FARS2: variants seen among roughly 807,000 people sequenced by gnomAD.
The protein encoded by FARS2 is phenylalanyl-tRNA synthetase 2, mitochondrial.
FARS2 carries 40 observed loss-of-function variants against 46.4 expected under a neutral mutation model. The observed-to-expected ratio is 0.86, with a 90% CI of 0.67 to 1.12. The LOEUF is 1.12. Among genes scored for constraint, FARS2 ranks in the 50% most tolerant of loss-of-function variants. FARS2 has a pLI of 0.00. For missense variants in FARS2, 513 were observed against 567.9 expected, an observed-to-expected ratio of 0.90 and a Z score of 0.98; for synonymous variants, 234 against 214.9, an observed-to-expected ratio of 1.09 and a Z score of -0.78.
In FARS2 at chr6:5,756,855, G is replaced by A. The variant is rs147241987; in HGVS notation, c.1218-14436G>A. Among the ~76,000 whole-genome samples the A allele has an allele frequency of 3.3e-3, 495 of 152,252 alleles. 5 individuals are homozygous for A. Among genetic ancestry groups the A allele is most frequent in the Middle Eastern group, 0.027 (8 of 294 alleles). On this transcript the variant is annotated intron_variant, in intron 6 of 6. Transcript: ENST00000274680. ...AGACAAAGAGGTAGACATACTCTTC[G>A]ATCACATGTTTCAGCCACCTGTCCA...
intron 1 of FARS2, among the ~76,000 whole-genome samples, chr6:5,285,582 G>A (rs1767050389): frequency 6.6e-6 from 1 of 152,224 alleles, no homozygotes; most frequent in Admixed American, 6.5e-5. Context: ...TTCCTTGAAT[G>A]TAAGGCTGCA....
intron 1 of FARS2, among the ~76,000 whole-genome samples, chr6:5,304,306 C>G (rs998379032): frequency 2.0e-5 from 3 of 152,160 alleles, no homozygotes; most frequent in Middle Eastern, 3.2e-3. Context: ...GTATCATATT[C>G]TGTTGTGATG....
At chr6:5,518,152 G>A (rs565215509) in intron 4 of FARS2, among the ~76,000 whole-genome samples, 1 of 152,308 alleles carries the variant, frequency 6.6e-6, no homozygotes, top group South Asian at 2.1e-4. Flanking sequence ...GGTACTGGTT[G>A]GAAGGCTGTT....
intron 1 of FARS2, among the ~76,000 whole-genome samples, chr6:5,334,572 G>A (rs796821231): frequency 2.1e-4 from 32 of 152,294 alleles, no homozygotes; most frequent in African/African-American, 7.5e-4. Flanking sequence ...CTGTACTGCT[G>A]TGGAAGGTCA....
intron 1 of FARS2, among the ~76,000 whole-genome samples, chr6:5,312,878 G>A (rs1363183617): frequency 6.6e-6 from 1 of 152,142 alleles, no homozygotes; most frequent in African/African-American, 2.4e-5. Flanking sequence ...ACACGTTCCT[G>A]CCCCCAAAGA....
chr6:5,496,451 G>A (rs1026507786), intron 4 of FARS2, among the ~76,000 whole-genome samples: 2 of 152,128 alleles, frequency 1.3e-5, no homozygotes, highest in Non-Finnish European at 2.9e-5. Context: ...AGAGATGAGG[G>A]TGTGCGTGCA....
intron 6 of FARS2, among the ~76,000 whole-genome samples, chr6:5,633,598 T>C (rs1776404336): frequency 6.6e-6 from 1 of 152,150 alleles, no homozygotes; most frequent in Admixed American, 6.5e-5. Context: ...TTTTATATCC[T>C]TTTTCTAGTC....
At chr6:5,643,633 G>T (rs940508751) in intron 6 of FARS2, among the ~76,000 whole-genome samples, 1 of 152,168 alleles carries the variant, frequency 6.6e-6, no homozygotes, top group Non-Finnish European at 1.5e-5. Flanking sequence ...GAAGTATGAG[G>T]TTGACTTCAG....
At chr6:5,587,858 G>T (rs1338774147) in intron 5 of FARS2, among the ~76,000 whole-genome samples, 1 of 152,114 alleles carries the variant, frequency 6.6e-6, no homozygotes, top group Non-Finnish European at 1.5e-5. Flanking sequence ...ATCTGTAAAA[G>T]GGGGACAATG....
upstream of FARS2, chr6:5,260,890 G>A: frequency 2.1e-6 from 3 of 1,404,792 alleles, no homozygotes; most frequent in East Asian, 2.7e-5. Context: ...GGGCAGCCCT[G>A]CGGATCGCGG....
intron 6 of FARS2, among the ~76,000 whole-genome samples, chr6:5,688,477 G>T (rs879027823): frequency 6.6e-6 from 1 of 152,172 alleles, no homozygotes; most frequent in Admixed American, 6.5e-5. Flanking sequence ...TTTTGTCTTT[G>T]GTTCTGTTTA....
At chr6:5,356,953 T>A (rs201011803) in intron 1 of FARS2, among the ~76,000 whole-genome samples, 1 of 138,244 alleles carries the variant, frequency 7.2e-6, no homozygotes, top group Non-Finnish European at 1.6e-5. Context: ...TTTTTTTTTT[T>A]AAACGGGAAT....
chr6:5,719,455 A>AAAGAGAAAGAGAGAAAGAAAAGAG (rs1413169336), intron 6 of FARS2, among the ~76,000 whole-genome samples: 1 of 151,614 alleles, frequency 6.6e-6, no homozygotes, highest in East Asian at 1.9e-4. Flanking sequence ...AGAAAGAGAT[A>AAAGAGAAAGAGAGAAAGAAAAGAG]AAGAAAAGAG....
intron 4 of FARS2, among the ~76,000 whole-genome samples, chr6:5,459,130 T>G (rs942572201): frequency 5.3e-5 from 8 of 152,224 alleles, no homozygotes; most frequent in African/African-American, 1.9e-4. Context: ...GGAAACATGA[T>G]TCCTCTGAGA....
intron 6 of FARS2, among the ~76,000 whole-genome samples, chr6:5,670,537 C>A (rs1778399734): frequency 6.6e-6 from 1 of 152,128 alleles, no homozygotes; most frequent in Admixed American, 6.5e-5. Context: ...TTTTTAATGG[C>A]AAGATGATTC....
chr6:5,680,292 G>C (rs1319180600), intron 6 of FARS2, among the ~76,000 whole-genome samples: 3 of 152,174 alleles, frequency 2.0e-5, no homozygotes, highest in Non-Finnish European at 4.4e-5. Flanking sequence ...GGCTGCAGCT[G>C]ATGGTCAGAG....
intron 4 of FARS2, among the ~76,000 whole-genome samples, chr6:5,504,064 C>T (rs923891885): frequency 6.6e-5 from 10 of 152,088 alleles, no homozygotes; most frequent in African/African-American, 9.7e-5. Flanking sequence ...AAGATATTGC[C>T]GTATTTCCTC....
At chr6:5,696,373 T>A (rs1397748356) in intron 6 of FARS2, among the ~76,000 whole-genome samples, 4 of 152,232 alleles carry the variant, frequency 2.6e-5, no homozygotes, top group African/African-American at 9.6e-5. Context: ...ACAGCTTGTC[T>A]CATTAAGTAT....
intron 4 of FARS2, among the ~76,000 whole-genome samples, chr6:5,534,512 T>C (rs969577471): frequency 2.6e-5 from 4 of 152,202 alleles, no homozygotes; most frequent in Non-Finnish European, 5.9e-5. Context: ...AGGGAAAGCT[T>C]AGATTTTTTT....
Sources: gnomAD v4.1 joint callset for allele counts (sites outside exome capture counted in the v4.1 genomes callset) on GRCh38, gnomAD v4.1.1 for gene constraint, MANE v1.5 for transcripts, NCBI Gene and HGNC (gene_info 2026-07-23, HGNC 2026-07-21) for gene names.